The following REEP1 variants were observed in gnomAD, a reference collection of about 807,000 sequenced individuals.
REEP1 encodes receptor accessory protein 1.
In REEP1, 22 loss-of-function variants were observed where a neutral mutation model predicts 40.3. The observed-to-expected ratio is 0.55, with a 90% CI of 0.39 to 0.78. The LOEUF is 0.78. Among genes scored for constraint, REEP1 ranks in the 30% least tolerant of loss-of-function variants. The probability of loss-of-function intolerance (pLI) is 0.00; values close to 1 mark genes in which losing one functional copy is unlikely to be tolerated. For synonymous variants in REEP1, 116 were observed against 139.2 expected (o/e 0.83, Z 1.17); for missense variants, 280 against 361.1 (o/e 0.78, Z 1.82).
At chr2:86,288,922 A>T (rs969011022) in intron 1 of REEP1, among the ~76,000 whole-genome samples, 2 of 152,148 alleles carry the variant, frequency 1.3e-5, no homozygotes, top group Non-Finnish European at 2.9e-5. Flanking sequence ...TACCCTGTTT[A>T]TATCCCTCCA....
chr2:86,259,792 T>G (rs1395109595), intron 3 of REEP1, among the ~76,000 whole-genome samples: 1 of 152,188 alleles, frequency 6.6e-6, no homozygotes, highest in Non-Finnish European at 1.5e-5. Flanking sequence ...AATTGTTGTT[T>G]TCATCAAGAT....
intron 5 of REEP1, among the ~76,000 whole-genome samples, chr2:86,235,368 G>A (rs188698187): frequency 1.3e-5 from 2 of 152,262 alleles, no homozygotes; most frequent in East Asian, 3.9e-4. Flanking sequence ...GGATCCAAAT[G>A]GCCGGCTGCT....
At chr2:86,231,055 T>G (rs1329570839) in intron 6 of REEP1, among the ~76,000 whole-genome samples, 2 of 152,152 alleles carry the variant, frequency 1.3e-5, no homozygotes, top group Non-Finnish European at 2.9e-5. Flanking sequence ...GGTTGATGAG[T>G]GAGTGACCAT....
chr2:86,237,665 G>A (rs1031268847), intron 5 of REEP1, among the ~76,000 whole-genome samples: 10 of 152,008 alleles, frequency 6.6e-5, no homozygotes, highest in Admixed American at 2.0e-4. Flanking sequence ...TGGGATCACA[G>A]GTGGCCACCA....
intron 4 of REEP1, among the ~76,000 whole-genome samples, chr2:86,254,336 G>A (rs1228723524): frequency 6.6e-6 from 1 of 152,044 alleles, no homozygotes; most frequent in East Asian, 1.9e-4. Flanking sequence ...TGGCTTCCAG[G>A]TAAGATTTAA....
At chr2:86,322,306 G>T (rs549328849) in intron 1 of REEP1, among the ~76,000 whole-genome samples, 9 of 152,180 alleles carry the variant, frequency 5.9e-5, no homozygotes, top group Non-Finnish European at 1.3e-4. Flanking sequence ...CACTTTGGGA[G>T]GCCGAGGTGG....
At chr2:86,267,377 G>A (rs114476379) in intron 2 of REEP1, among the ~76,000 whole-genome samples, 9 of 151,854 alleles carry the variant, frequency 5.9e-5, no homozygotes, top group Non-Finnish European at 7.4e-5. Flanking sequence ...TCCCCTTCAC[G>A]TTCCACCATG....
At chr2:86,300,274 C>T (rs565485695) in intron 1 of REEP1, among the ~76,000 whole-genome samples, 2 of 152,266 alleles carry the variant, frequency 1.3e-5, no homozygotes, top group East Asian at 3.9e-4. Context: ...TATTTCCCAT[C>T]GACAGGTCCT....
At chr2:86,237,203 T>C (rs1675408188) in intron 5 of REEP1, among the ~76,000 whole-genome samples, 1 of 129,734 alleles carries the variant, frequency 7.7e-6, no homozygotes, top group African/African-American at 2.5e-5. Flanking sequence ...TAACAAACCA[T>C]TTAAGAACTG....
chr2:86,330,613 T>A (rs1421022237), intron 1 of REEP1, among the ~76,000 whole-genome samples: 1 of 88,682 alleles, frequency 1.1e-5, no homozygotes, highest in Non-Finnish European at 2.0e-5. Flanking sequence ...CCAGCTAATT[T>A]TTGTATTTTT....
At chr2:86,263,766 T>TATA (rs1676988738) in intron 3 of REEP1, among the ~76,000 whole-genome samples, 199 bp downstream of exon 3, 1 of 152,226 alleles carries the variant, frequency 6.6e-6, no homozygotes, top group South Asian at 2.1e-4. Flanking sequence ...AACTGCTCTT[T>TATA]ATAAGGTCAT....
At chr2:86,329,450 G>A (rs1247506110) in intron 1 of REEP1, among the ~76,000 whole-genome samples, 1 of 152,098 alleles carries the variant, frequency 6.6e-6, no homozygotes, top group Non-Finnish European at 1.5e-5. Flanking sequence ...GTCTAGATAT[G>A]CTATTTAGAA....
chr2:86,310,733 A>ATGTG (rs1236830190), intron 1 of REEP1, among the ~76,000 whole-genome samples: 1 of 145,654 alleles, frequency 6.9e-6, no homozygotes, highest in Non-Finnish European at 1.5e-5. Flanking sequence ...CTCTCTGTGT[A>ATGTG]TGTGTGTGTG....
At chr2:86,229,383 TG>T (rs1437282149) in intron 6 of REEP1, among the ~76,000 whole-genome samples, 1 of 152,148 alleles carries the variant, frequency 6.6e-6, no homozygotes, top group Non-Finnish European at 1.5e-5. Context: ...TCCCCTTTTC[TG>T]GGGCCCTTTC....
At chr2:86,301,557 AAATACTAGTTTCCTATCTCTC>A (rs1175038875) in intron 1 of REEP1, among the ~76,000 whole-genome samples, 4 of 152,244 alleles carry the variant, frequency 2.6e-5, no homozygotes, top group Non-Finnish European at 4.4e-5. Flanking sequence ...ACAATACCAG[AAATACTAGTTTCCTATCTCTC>A]GTCATGTTTA....
At chr2:86,291,250 G>A (rs775870571) in intron 1 of REEP1, among the ~76,000 whole-genome samples, 1 of 152,162 alleles carries the variant, frequency 6.6e-6, no homozygotes, top group Non-Finnish European at 1.5e-5. Flanking sequence ...GAGAGTGGGA[G>A]GAAGACTGCT....
chr2:86,311,313 G>A (rs762190446), intron 1 of REEP1, among the ~76,000 whole-genome samples: 15 of 152,172 alleles, frequency 9.9e-5, no homozygotes, highest in Non-Finnish European at 2.1e-4. Flanking sequence ...GGGCCAGCAG[G>A]GGCCGATGGG....
intron 3 of REEP1, 78 bp from the exon 4 acceptor site, chr2:86,254,892 T>C (rs1428331478): frequency 8.5e-6 from 13 of 1,535,162 alleles, no homozygotes; most frequent in Admixed American, 1.7e-5. Flanking sequence ...ACCCGGTGGG[T>C]GGCAAGGACG....
At chr2:86,256,848 G>A (rs927967070) in intron 3 of REEP1, among the ~76,000 whole-genome samples, 2 of 152,194 alleles carry the variant, frequency 1.3e-5, no homozygotes, top group Non-Finnish European at 1.5e-5. Flanking sequence ...CCTAGTCTTA[G>A]AGATCAGAAA....
Sources: gnomAD v4.1 joint callset for allele counts (sites outside exome capture counted in the v4.1 genomes callset) on GRCh38, gnomAD v4.1.1 for gene constraint, MANE v1.5 for transcripts, NCBI Gene and HGNC (gene_info 2026-07-23, HGNC 2026-07-21) for gene names.